The following TSPAN15 variants were observed in gnomAD, a reference collection of about 807,000 sequenced individuals.
TSPAN15 encodes the protein tetraspanin 15, also known as tetraspanin-15.
TSPAN15 carries 20 observed loss-of-function variants against 34.5 expected under a neutral mutation model. That is an observed-to-expected ratio of 0.58 (90% CI 0.41 to 0.84). TSPAN15 has a LOEUF of 0.84. TSPAN15 is among the 40% of genes least tolerant of loss of function. The pLI, the probability that TSPAN15 is intolerant of heterozygous loss-of-function variation, is 0.00. For synonymous variants in TSPAN15, 155 were observed against 153.9 expected, an observed-to-expected ratio of 1.01 and a Z score of -0.05; for missense variants, 313 against 386.1, an observed-to-expected ratio of 0.81 and a Z score of 1.59.
At chr10:69,540,554 G>A in the TSPAN15 span, among the ~76,000 whole-genome samples, 1 of 152,174 alleles carries the variant, frequency 6.6e-6, no homozygotes, top group African/African-American at 2.4e-5. Context: ...GCGACAAAAT[G>A]TGGTGGGAGG....
At chr10:69,497,647 G>T (rs1842115759) in intron 4 of TSPAN15, among the ~76,000 whole-genome samples, 1 of 152,118 alleles carries the variant, frequency 6.6e-6, no homozygotes, top group Non-Finnish European at 1.5e-5. Context: ...CCTGAGCAAG[G>T]GCTGCCTTGC....
intron 1 of TSPAN15, among the ~76,000 whole-genome samples, chr10:69,476,008 A>G (rs1841606619): frequency 6.6e-6 from 1 of 152,188 alleles, no homozygotes; most frequent in African/African-American, 2.4e-5. Flanking sequence ...AGGAGCAGGA[A>G]GACCTGCTAG....
intron 1 of TSPAN15, among the ~76,000 whole-genome samples, chr10:69,478,134 A>G (rs532077129): frequency 7.0e-4 from 94 of 135,242 alleles, no homozygotes; most frequent in Non-Finnish European, 1.2e-3. Context: ...CTGGGGCAGC[A>G]GTGTGCAGAG....
the TSPAN15 span, among the ~76,000 whole-genome samples, chr10:69,539,428 A>G: frequency 0.014 from 1,824 of 131,114 alleles, 122 homozygotes; most frequent in African/African-American, 0.053. Flanking sequence ...AGAAGAAGAA[A>G]GAAGAAGAAG....
chr10:69,518,456 G>T, the TSPAN15 span, among the ~76,000 whole-genome samples: 1 of 152,116 alleles, frequency 6.6e-6, no homozygotes, highest in Non-Finnish European at 1.5e-5. Context: ...ACAGAATCTC[G>T]CTCTGTCACT....
chr10:69,505,872 A>G (rs1842314456), intron 6 of TSPAN15: 1 of 402,770 alleles, frequency 2.5e-6, no homozygotes, highest in African/African-American at 2.0e-5. Flanking sequence ...TGAGCTCTGC[A>G]GTCCCTCAGC....
At chr10:69,515,748 C>T in the TSPAN15 span, among the ~76,000 whole-genome samples, 1 of 152,180 alleles carries the variant, frequency 6.6e-6, no homozygotes, top group Non-Finnish European at 1.5e-5. Context: ...TCCTAAAGCC[C>T]AGGCAGAAGG....
chr10:69,485,653 G>T (rs1841836326), intron 3 of TSPAN15, among the ~76,000 whole-genome samples: 1 of 152,146 alleles, frequency 6.6e-6, no homozygotes, highest in Non-Finnish European at 1.5e-5. Flanking sequence ...GAGGTGACAG[G>T]AGCCTTTGGA....
downstream of TSPAN15, among the ~76,000 whole-genome samples, chr10:69,509,126 C>T (rs955246768): frequency 3.3e-5 from 5 of 152,156 alleles, no homozygotes; most frequent in South Asian, 6.2e-4. Context: ...GCAGAGGCCC[C>T]GTAGGAGACA....
intron 1 of TSPAN15, among the ~76,000 whole-genome samples, chr10:69,454,524 A>AC (rs1319302108): frequency 6.6e-6 from 1 of 152,168 alleles, no homozygotes; most frequent in Admixed American, 6.5e-5. Flanking sequence ...TTAAAAAAAA[A>AC]AATTACTATT....
chr10:69,462,475 A>G (rs1289972535), intron 1 of TSPAN15, among the ~76,000 whole-genome samples: 3 of 151,994 alleles, frequency 2.0e-5, no homozygotes, highest in Non-Finnish European at 4.4e-5. Context: ...GCTTGGGACT[A>G]TGGGTGCCCA....
intron 5 of TSPAN15, among the ~76,000 whole-genome samples, chr10:69,499,289 C>T (rs191841186): frequency 1.1e-4 from 16 of 152,298 alleles, no homozygotes; most frequent in Admixed American, 3.9e-4. Context: ...TGAGCAGCTG[C>T]GGGTGGGGGC....
At chr10:69,464,637 C>T (rs1841343891) in intron 1 of TSPAN15, among the ~76,000 whole-genome samples, 1 of 152,228 alleles carries the variant, frequency 6.6e-6, no homozygotes, top group South Asian at 2.1e-4. Flanking sequence ...TCCCTGACAG[C>T]TTCAGAACAG....
chr10:69,453,003 T>C (rs771366898), intron 1 of TSPAN15, among the ~76,000 whole-genome samples: 4 of 152,348 alleles, frequency 2.6e-5, no homozygotes, highest in East Asian at 1.9e-4. Context: ...TACTGACTTA[T>C]GGATATCTTA....
intron 5 of TSPAN15, among the ~76,000 whole-genome samples, chr10:69,501,093 C>T (rs55644640): frequency 0.12 from 17,991 of 152,198 alleles, 1,128 homozygotes; most frequent in South Asian, 0.13. Context: ...ACAGGAAAGA[C>T]GGGGCTGCCA....
chr10:69,470,933 A>G (rs10998814), intron 1 of TSPAN15, among the ~76,000 whole-genome samples: 9,438 of 152,100 alleles, frequency 0.062, 1,012 homozygotes, highest in African/African-American at 0.22. Context: ...TCCCAAGGCC[A>G]TGGTGCCTGC....
intron 4 of TSPAN15, among the ~76,000 whole-genome samples, chr10:69,497,490 G>A (rs576682045): frequency 6.6e-6 from 1 of 152,310 alleles, no homozygotes; most frequent in Non-Finnish European, 1.5e-5. Context: ...TGTTTCAGAT[G>A]AAATATCCTC....
the TSPAN15 span, among the ~76,000 whole-genome samples, chr10:69,517,393 C>T: frequency 6.6e-6 from 1 of 152,214 alleles, no homozygotes; most frequent in Admixed American, 6.5e-5. Flanking sequence ...AAGGAGCTGC[C>T]GGGGGCTCGG....
chr10:69,512,008 C>T (rs528696125), downstream of TSPAN15, among the ~76,000 whole-genome samples: 6 of 152,126 alleles, frequency 3.9e-5, no homozygotes, highest in South Asian at 1.0e-3. Flanking sequence ...TTGATGGGTG[C>T]GGCAAACCAC....
Sources: gnomAD v4.1 joint callset for allele counts (sites outside exome capture counted in the v4.1 genomes callset) on GRCh38, gnomAD v4.1.1 for gene constraint, MANE v1.5 for transcripts, NCBI Gene and HGNC (gene_info 2026-07-23, HGNC 2026-07-21) for gene names.